DGKB: variants seen among roughly 807,000 people sequenced by gnomAD.
The protein encoded by DGKB is 90 kDa diacylglycerol kinase.
A neutral mutation model predicts 114.3 loss-of-function variants in DGKB; 67 were observed. The ratio of observed to expected loss-of-function variants is 0.59; its 90% CI spans 0.48 to 0.72. The LOEUF (loss-of-function observed/expected upper bound fraction) is 0.72, where lower values mean the gene tolerates loss of function less well. Ranked by LOEUF, DGKB falls within the 30% of genes least tolerant of loss-of-function variation. The probability of loss-of-function intolerance (pLI) is 0.00; values close to 1 mark genes in which losing one functional copy is unlikely to be tolerated. For missense variants in DGKB, 907 were observed against 975.2 expected, an observed-to-expected ratio of 0.93 and a Z score of 0.93; for synonymous variants, 398 against 323.1, an observed-to-expected ratio of 1.23 and a Z score of -2.49.
chr7:14,311,034 G>A (rs1008677338), intron 23 of DGKB, among the ~76,000 whole-genome samples: 3 of 152,006 alleles, frequency 2.0e-5, no homozygotes, highest in African/African-American at 7.3e-5. Context: ...AGGTTAAGGT[G>A]GGAGGATCAC....
chr7:14,846,906 A>T (rs904524750), intron 1 of DGKB, among the ~76,000 whole-genome samples: 1 of 152,252 alleles, frequency 6.6e-6, no homozygotes, highest in African/African-American at 2.4e-5. Context: ...TGGACGCATC[A>T]TCTGTGAGTC....
intron 2 of DGKB, among the ~76,000 whole-genome samples, chr7:14,783,004 G>T (rs541935122): frequency 6.6e-6 from 1 of 152,088 alleles, no homozygotes; most frequent in African/African-American, 2.4e-5. Context: ...CACATATCTG[G>T]CTATGTGAAC....
chr7:14,174,354 GAATT>G (rs1241352958), intron 25 of DGKB, among the ~76,000 whole-genome samples: 1 of 152,122 alleles, frequency 6.6e-6, no homozygotes, highest in African/African-American at 2.4e-5. Context: ...ATTTTTGTGA[GAATT>G]AAATGCATCA....
intron 20 of DGKB, among the ~76,000 whole-genome samples, chr7:14,501,270 C>T (rs62443479): frequency 0.023 from 3,427 of 151,928 alleles, 49 homozygotes; most frequent in Middle Eastern, 0.041. Flanking sequence ...GCTTTATAGA[C>T]GGATTCAATT....
At chr7:14,408,338 AG>A (rs1253376871) in intron 21 of DGKB, among the ~76,000 whole-genome samples, 1 of 152,128 alleles carries the variant, frequency 6.6e-6, no homozygotes, top group Non-Finnish European at 1.5e-5. Flanking sequence ...GGAGGGAGTA[AG>A]AACAGAATAA....
intron 13 of DGKB, among the ~76,000 whole-genome samples, chr7:14,651,466 T>G (rs1814477603): frequency 6.9e-6 from 1 of 145,580 alleles, no homozygotes; most frequent in Admixed American, 7.1e-5. Context: ...TGCTAAAAAC[T>G]CTCAATAAAT....
rs1193747575 is a variant in DGKB, at chr7:14,145,886, A to C, written c.*3245T>G. ...AAGGAGAATACAGTGTGAGATTCAA[A>C]ACATATTCTTCCCTGAAAAATTGCA... On this transcript the variant is annotated 3_prime_UTR_variant, in exon 26 of 26. Coordinates refer to ENST00000402815, the MANE Select transcript of DGKB (RefSeq NM_001350709.2). The C allele has an allele frequency of 6.6e-6, 1 of 152,220 alleles. No homozygotes were observed. The highest frequency in any genetic ancestry group is 6.5e-5 in the Admixed American group (1 of 15,278). 9.4% of individuals were successfully genotyped at this position (152,220 alleles called of 1,614,324 possible).
At chr7:14,495,353 T>A (rs535493574) in intron 20 of DGKB, among the ~76,000 whole-genome samples, 71 of 151,954 alleles carry the variant, frequency 4.7e-4, no homozygotes, top group Non-Finnish European at 8.1e-4. Context: ...TATTTATGCT[T>A]TTAGAAATTA....
chr7:14,719,564 C>T (rs1035915973), intron 5 of DGKB, among the ~76,000 whole-genome samples: 3 of 151,898 alleles, frequency 2.0e-5, no homozygotes, highest in Admixed American at 6.6e-5. Context: ...TGAGTGGCTA[C>T]TAGATTCCTA....
chr7:14,154,773 T>C (rs1306007341), intron 25 of DGKB, among the ~76,000 whole-genome samples: 1 of 150,742 alleles, frequency 6.6e-6, no homozygotes, highest in African/African-American at 2.4e-5. Flanking sequence ...AGTGGTAGCA[T>C]CTAATGAGAA....
chr7:14,315,108 G>T (rs1379612966), intron 23 of DGKB, among the ~76,000 whole-genome samples: 1 of 147,846 alleles, frequency 6.8e-6, no homozygotes, highest in African/African-American at 2.5e-5. Flanking sequence ...CACCAGGCCT[G>T]CCCTAAAAGA....
At chr7:14,724,604 A>G (rs1412654302) in intron 5 of DGKB, among the ~76,000 whole-genome samples, 1 of 152,214 alleles carries the variant, frequency 6.6e-6, no homozygotes, top group Non-Finnish European at 1.5e-5. Flanking sequence ...CTTTGGGGAT[A>G]ACGTTTTAAG....
intron 21 of DGKB, among the ~76,000 whole-genome samples, chr7:14,392,995 G>GTTTTTGTTTTTGTTTTTTTGTT: frequency 1.7e-5 from 1 of 60,546 alleles, no homozygotes; most frequent in Non-Finnish European, 3.4e-5. Context: ...TTTTGTTTTT[G>GTTTTTGTTTTTGTTTTTTTGTT]TTTTTTTTTT....
intron 21 of DGKB, among the ~76,000 whole-genome samples, chr7:14,462,426 T>C (rs1195868909): frequency 6.6e-6 from 1 of 152,114 alleles, no homozygotes; most frequent in Non-Finnish European, 1.5e-5. Context: ...AAAAAATCAA[T>C]GTGCAAAAAT....
chr7:14,225,857 A>G (rs1296991751), intron 23 of DGKB, among the ~76,000 whole-genome samples: 1 of 151,964 alleles, frequency 6.6e-6, no homozygotes, highest in African/African-American at 2.4e-5. Flanking sequence ...ATTATTATAT[A>G]AAGGGAATTA....
chr7:14,743,324 G>T (rs1455489765), intron 4 of DGKB, among the ~76,000 whole-genome samples: 1 of 152,178 alleles, frequency 6.6e-6, no homozygotes, highest in Non-Finnish European at 1.5e-5. Flanking sequence ...GAAGACAGGA[G>T]ACAAACTGTT....
chr7:14,352,646 A>G (rs1813694479), intron 21 of DGKB, among the ~76,000 whole-genome samples: 1 of 152,168 alleles, frequency 6.6e-6, no homozygotes, highest in African/African-American at 2.4e-5. Context: ...TTAAATCTTT[A>G]CTATTATTGG....
chr7:14,639,070 TA>T (rs76586892), intron 13 of DGKB, among the ~76,000 whole-genome samples: 11 of 151,440 alleles, frequency 7.3e-5, no homozygotes, highest in Admixed American at 2.0e-4. Flanking sequence ...TTTATTAAAT[TA>T]AAAAAAACAC....
chr7:14,190,670 A>AT (rs762698173), intron 23 of DGKB: 1 of 152,180 alleles, frequency 6.6e-6, no homozygotes, highest in Non-Finnish European at 1.5e-5. Context: ...ACTAAAAAAA[A>AT]GAAAGAAGAC....
Sources: allele counts gnomAD v4.1 joint callset (sites outside exome capture counted in the v4.1 genomes callset), GRCh38; gene constraint gnomAD v4.1.1; transcripts MANE v1.5; gene names NCBI Gene and HGNC (gene_info 2026-07-23, HGNC 2026-07-21).